Variants in RAD50 observed in about 807,000 individuals in gnomAD.
RAD50 encodes RAD50 double strand break repair protein.
In RAD50, 132 loss-of-function variants were observed where a neutral mutation model predicts 168.8. That is an observed-to-expected ratio of 0.78 (90% CI 0.68 to 0.90). RAD50 has a LOEUF of 0.90. Ranked by LOEUF, RAD50 falls within the 40% of genes least tolerant of loss-of-function variation. RAD50 has a pLI of 0.00. For synonymous variants in RAD50, 525 were observed against 497.4 expected, an observed-to-expected ratio of 1.06 and a Z score of -0.74; for missense variants, 1,347 against 1,534.4, an observed-to-expected ratio of 0.88 and a Z score of 2.04.
At chr5:132,610,624 G>A (rs1037368245) in intron 19 of RAD50, among the ~76,000 whole-genome samples, 9 of 151,882 alleles carry the variant, frequency 5.9e-5, no homozygotes, top group African/African-American at 1.9e-4. Context: ...TTTCTGCTGG[G>A]TCTCTTTCTG....
At chr5:132,613,770 T>C (rs1161448560) in intron 19 of RAD50, among the ~76,000 whole-genome samples, 2 of 151,952 alleles carry the variant, frequency 1.3e-5, no homozygotes, top group Non-Finnish European at 2.9e-5. Context: ...CTAATTTTTG[T>C]ATTTTTAGTA....
At chr5:132,565,369 A>G (rs1750189977) in intron 2 of RAD50, among the ~76,000 whole-genome samples, 1 of 152,012 alleles carries the variant, frequency 6.6e-6, no homozygotes, top group Admixed American at 6.6e-5. Flanking sequence ...ATCCTCCTGT[A>G]TGTAATCAAT....
intron 19 of RAD50, among the ~76,000 whole-genome samples, chr5:132,612,071 C>G (rs185480151): frequency 5.1e-4 from 77 of 152,246 alleles, no homozygotes; most frequent in Non-Finnish European, 8.4e-4. Flanking sequence ...TACAAGAATG[C>G]TCATAGCAGC....
intron 20 of RAD50, among the ~76,000 whole-genome samples, chr5:132,616,550 TTA>T (rs1162633847): frequency 6.6e-6 from 1 of 152,224 alleles, no homozygotes; most frequent in African/African-American, 2.4e-5. Flanking sequence ...TCATTTGTAA[TTA>T]TGTGTCCACC....
intron 2 of RAD50, among the ~76,000 whole-genome samples, chr5:132,566,302 G>T (rs1195951696): frequency 2.0e-5 from 3 of 152,184 alleles, no homozygotes; most frequent in Non-Finnish European, 4.4e-5. Context: ...GAAAGAGTAT[G>T]TGTATTTGGC....
chr5:132,588,796 A>G lies in RAD50; in HGVS notation c.1161A>G (p.Pro387=). 6.2e-7 allele frequency: 1 copy of G among 1,614,092 alleles called. No individual in the cohort carries two copies. Among genetic ancestry groups the G allele is most frequent in the East Asian group, 2.2e-5 (1 of 44,876 alleles). ...AATTGGATGGCTTTGAGCGTGGACC[A>G]TTCAGTGAAAGACAGATTAAAAATT... ...QLELDGFERG[P]FSERQIKNFH... is the part of the protein sequence containing the mutation. The change falls in exon 8 of 25, where the codon CCA becomes CCG. Residue 387 remains proline (P), a synonymous_variant. Coordinates refer to ENST00000378823, the MANE Select transcript of RAD50 (RefSeq NM_005732.4).
At chr5:132,625,348 A>G (rs1751355865) in intron 21 of RAD50, among the ~76,000 whole-genome samples, 1 of 151,930 alleles carries the variant, frequency 6.6e-6, no homozygotes, top group African/African-American at 2.4e-5. Context: ...GGCCTCCCAA[A>G]GTGCTGGGAT....
At chr5:132,617,374 T>A (rs2106984) in intron 20 of RAD50, among the ~76,000 whole-genome samples, 50,146 of 152,056 alleles carry the variant, frequency 0.33, 10,823 homozygotes, top group African/African-American at 0.62. Flanking sequence ...CCAACAAGAC[T>A]TGTAATCCAG....
At chr5:132,589,102 A>C (rs932968823) in intron 8 of RAD50, among the ~76,000 whole-genome samples, 1 of 152,204 alleles carries the variant, frequency 6.6e-6, no homozygotes, top group Non-Finnish European at 1.5e-5. Flanking sequence ...TTTGGTTTTA[A>C]GTAAAAATTT....
rs964257093 is a variant in RAD50, at chr5:132,614,563, A to G, written c.3037-1440A>G. On this transcript the variant is annotated intron_variant, in intron 19 of 24. Coordinates refer to ENST00000378823, the MANE Select transcript of RAD50 (RefSeq NM_005732.4). The stretch of plus-strand genomic sequence containing the variant: ...GTCCCTTATATAAAATGGCATATCT[A>G]GTGTTTACATATAGCCTATCCATAT... Among the ~76,000 whole-genome samples the G allele has an allele frequency of 7.9e-5, 12 of 152,150 alleles. No individual in the cohort carries two copies. In the East Asian group the frequency reaches 2.3e-3, roughly 29 times the overall value.
At chr5:132,623,746 A>C (rs1015878765) in intron 21 of RAD50, among the ~76,000 whole-genome samples, 9 of 152,296 alleles carry the variant, frequency 5.9e-5, no homozygotes, top group Middle Eastern at 3.4e-3. Flanking sequence ...CTTCCTTAGC[A>C]CTAAGAGAGT....
intron 19 of RAD50, among the ~76,000 whole-genome samples, chr5:132,613,899 A>C (rs1031182066): frequency 3.4e-4 from 52 of 152,084 alleles, no homozygotes; most frequent in African/African-American, 1.3e-3. Context: ...GCCCGGCCAC[A>C]CAATAGTTCT....
chr5:132,605,170 G>A (rs1041583626), intron 16 of RAD50, among the ~76,000 whole-genome samples, 171 bp downstream of exon 16: 10 of 152,026 alleles, frequency 6.6e-5, no homozygotes, highest in Admixed American at 5.9e-4. Context: ...TCAGCCTCTG[G>A]AGTAGCTGGG....
intron 2 of RAD50, among the ~76,000 whole-genome samples, chr5:132,560,486 C>T (rs1420846183): frequency 6.6e-6 from 1 of 152,184 alleles, no homozygotes; most frequent in Non-Finnish European, 1.5e-5. Context: ...CTTCTCTCTC[C>T]TTAAATCTAC....
Position 132,608,719 on chromosome 5 carries a change from G to A in RAD50, c.2823G>A (p.Gln941=), listed in dbSNP as rs786202562. ...NKKNTSNKIA[Q]DKLNDIKEKV... is the part of the protein sequence containing the mutation. ...AAAATACAAGCAACAAAATAGCACA[G>A]GATAAAGTAAGATTTCATTTATATA... The change falls in exon 17 of 25, where the codon CAG becomes CAA. Residue 941 remains glutamine (Q), a synonymous_variant. Transcript: ENST00000378823. 10 of 1,580,668 alleles carry A rather than the reference G, an allele frequency of 6.3e-6. No homozygotes were observed. The highest frequency in any genetic ancestry group is 2.4e-5 in the East Asian group (1 of 42,402).
chr5:132,584,644 A>T (rs553370989), intron 5 of RAD50, among the ~76,000 whole-genome samples: 4 of 152,316 alleles, frequency 2.6e-5, no homozygotes, highest in African/African-American at 9.6e-5. Flanking sequence ...ACACATGCAC[A>T]TGTATGTTTA....
At chr5:132,603,759 A>G (rs754891196) in intron 14 of RAD50, among the ~76,000 whole-genome samples, 161 bp from the exon 15 acceptor site, 2 of 152,216 alleles carry the variant, frequency 1.3e-5, no homozygotes, top group Non-Finnish European at 2.9e-5. Flanking sequence ...AATTGCTGAT[A>G]ATTAATTTCA....
chr5:132,583,642 TTG>T (rs1750543819), intron 5 of RAD50, among the ~76,000 whole-genome samples: 1 of 152,114 alleles, frequency 6.6e-6, no homozygotes, highest in African/African-American at 2.4e-5. Context: ...ATGCAGACTT[TTG>T]TGTCTGGGAT....
chr5:132,640,263 G>A (rs140620897), intron 23 of RAD50, among the ~76,000 whole-genome samples: 245 of 152,266 alleles, frequency 1.6e-3, no homozygotes, highest in African/African-American at 5.8e-3. Flanking sequence ...AAAACGTGTC[G>A]AAGTTTTCTA....
Sources: allele counts gnomAD v4.1 joint callset (sites outside exome capture counted in the v4.1 genomes callset), GRCh38; gene constraint gnomAD v4.1.1; transcripts MANE v1.5; gene names NCBI Gene and HGNC (gene_info 2026-07-23, HGNC 2026-07-21).